Variants in PCDH11X observed in about 807,000 individuals in gnomAD.
PCDH11X encodes the protein protocadherin 11 X-linked, also known as protocadherin-11 X-linked.
A neutral mutation model predicts 53.3 loss-of-function variants in PCDH11X; 18 were observed. That is an observed-to-expected ratio of 0.34 (90% CI 0.23 to 0.50). The LOEUF is 0.50. Among genes scored for constraint, PCDH11X ranks in the 20% least tolerant of loss-of-function variants. The pLI is 0.98. For synonymous variants in PCDH11X, 279 were observed against 393.3 expected (o/e 0.71, Z 3.44); for missense variants, 570 against 1,032.4 (o/e 0.55, Z 6.14).
intron 4 of PCDH11X, among the ~76,000 whole-genome samples, chrX:91,817,904 TAAAG>T (rs2147574137): frequency 8.9e-6 from 1 of 111,824 alleles, no homozygotes; most frequent in Non-Finnish European, 1.9e-5. Flanking sequence ...ACAGGTTATA[TAAAG>T]AATTAATGTA....
At chrX:92,143,672 G>A (rs946934836) in intron 6 of PCDH11X, among the ~76,000 whole-genome samples, 1 of 112,629 alleles carries the variant, frequency 8.9e-6, no homozygotes, top group Admixed American at 9.4e-5. Flanking sequence ...GGTACTCATG[G>A]AGCACCTCTG....
intron 10 of PCDH11X, among the ~76,000 whole-genome samples, chrX:92,575,086 A>G (rs1384161492): frequency 2.7e-5 from 3 of 110,856 alleles, no homozygotes; most frequent in East Asian, 2.8e-4. Flanking sequence ...ACTTCATTCT[A>G]TTTGGTTTGC....
At chrX:92,213,146 T>C (rs2066622741) in intron 7 of PCDH11X, among the ~76,000 whole-genome samples, 1 of 112,143 alleles carries the variant, frequency 8.9e-6, no homozygotes, top group African/African-American at 3.2e-5. Flanking sequence ...CATACCCTGA[T>C]GTGATAACAT....
chrX:92,311,572 A>C (rs2068951131), intron 8 of PCDH11X, among the ~76,000 whole-genome samples: 1 of 111,834 alleles, frequency 8.9e-6, no homozygotes, highest in African/African-American at 3.2e-5. Context: ...AGAATGAAAT[A>C]TAATTAAATG....
intron 6 of PCDH11X, among the ~76,000 whole-genome samples, chrX:92,020,487 C>A (rs919281145): frequency 2.2e-4 from 24 of 111,556 alleles, no homozygotes; most frequent in Non-Finnish European, 4.1e-4. Context: ...TGGGCAGGGC[C>A]TCCCTGCAGG....
At chrX:92,038,754 A>G (rs1417553148) in intron 6 of PCDH11X, among the ~76,000 whole-genome samples, 1 of 107,028 alleles carries the variant, frequency 9.3e-6, no homozygotes, top group African/African-American at 3.4e-5. Flanking sequence ...GGTGATTGAA[A>G]TGGGGACGGG....
chrX:92,603,180 G>C (rs1293579675), intron 10 of PCDH11X, among the ~76,000 whole-genome samples: 1 of 102,461 alleles, frequency 9.8e-6, no homozygotes, highest in African/African-American at 3.7e-5. Context: ...ATAGAAGAAT[G>C]AATCAGAACA....
chrX:91,908,382 C>A (rs1441850167), intron 6 of PCDH11X, among the ~76,000 whole-genome samples: 7 of 112,146 alleles, frequency 6.2e-5, no homozygotes, highest in Admixed American at 9.5e-5. Flanking sequence ...TGAACAGACA[C>A]TTCTCAAAAG....
chrX:92,439,527 A>G (rs2072465035), intron 9 of PCDH11X, among the ~76,000 whole-genome samples: 1 of 110,394 alleles, frequency 9.1e-6, no homozygotes, highest in African/African-American at 3.3e-5. Context: ...TGAAAAATAT[A>G]TCTAGGAAAG....
At chrX:92,489,493 T>C (rs2073714565) in intron 10 of PCDH11X, among the ~76,000 whole-genome samples, 1 of 110,197 alleles carries the variant, frequency 9.1e-6, no homozygotes, top group Admixed American at 9.8e-5. Context: ...TCTCATGATA[T>C]TTCTGTATTT....
At chrX:92,470,880 T>C (rs1055957837) in intron 10 of PCDH11X, among the ~76,000 whole-genome samples, 4 of 110,032 alleles carry the variant, frequency 3.6e-5, no homozygotes, top group Non-Finnish European at 7.6e-5. Context: ...TTTGCATCAA[T>C]ATTCATCAGT....
chrX:92,226,345 AATAG>A lies in PCDH11X; in HGVS notation c.3114+24893_3114+24896del, dbSNP rs201433955. Among the ~76,000 whole-genome samples, 816 of 111,650 alleles carry A rather than the reference AATAG, an allele frequency of 7.3e-3. 8 individuals carry two copies. Among genetic ancestry groups the A allele is most frequent in the African/African-American group, 0.025 (780 of 30,769 alleles). Reference sequence around the variant, plus strand: ...GGCAAAAAGGGTATAATTTAATGTTAATAGATCGAGTAGAGAAATCTAGCAAGGC... The same window carrying A: ...GGCAAAAAGGGTATAATTTAATGTTAATCGAGTAGAGAAATCTAGCAAGGC... On this transcript the variant is annotated intron_variant, in intron 7 of 10. Coordinates refer to ENST00000682573, the MANE Select transcript of PCDH11X (RefSeq NM_032968.5).
chrX:91,852,043 C>T (rs1187099968), intron 5 of PCDH11X, among the ~76,000 whole-genome samples: 2 of 86,611 alleles, frequency 2.3e-5, no homozygotes, highest in Admixed American at 3.0e-4. Context: ...GACGGAGTTT[C>T]ACTCTTGTTG....
chrX:92,476,187 T>C (rs113002611), intron 10 of PCDH11X, among the ~76,000 whole-genome samples: 1 of 95,894 alleles, frequency 1.0e-5, no homozygotes, highest in African/African-American at 3.3e-5. Context: ...CCATGTGAGA[T>C]GTAACTTTGC....
chrX:92,095,799 T>G (rs1391303196), intron 6 of PCDH11X, among the ~76,000 whole-genome samples: 1 of 112,324 alleles, frequency 8.9e-6, no homozygotes, highest in East Asian at 2.8e-4. Context: ...GGATATTGAT[T>G]GACAAGGCAA....
intron 6 of PCDH11X, among the ~76,000 whole-genome samples, chrX:92,034,216 TA>T (rs1456648811): frequency 2.7e-5 from 3 of 111,562 alleles, no homozygotes; most frequent in African/African-American, 9.8e-5. Flanking sequence ...AAAGAATGCG[TA>T]TTATGCAGCT....
At chrX:91,800,544 A>T (rs1301791191) in intron 1 of PCDH11X, among the ~76,000 whole-genome samples, 1 of 108,749 alleles carries the variant, frequency 9.2e-6, no homozygotes, top group Admixed American at 1.0e-4. Context: ...AAAACTATGG[A>T]TATTTTTTCT....
Position 91,952,000 on chromosome X carries a change from T to A in PCDH11X, c.3033+72727T>A, listed in dbSNP as rs773698504. On this transcript the variant is annotated intron_variant, in intron 6 of 10. Transcript: ENST00000682573. ...GTGGTAATTGGTTCTTCCCTACTTT[T>A]CACAAGTGCTAATGGTCACCAGAGC... is the stretch of plus-strand genomic sequence containing the variant. Among the ~76,000 whole-genome samples, 301 of 109,811 alleles carry A rather than the reference T, an allele frequency of 2.7e-3. 1 individual carries two copies. The highest frequency in any genetic ancestry group is 9.4e-3 in the African/African-American group (284 of 30,279).
intron 6 of PCDH11X, among the ~76,000 whole-genome samples, chrX:91,919,981 G>A (rs1708883576): frequency 9.0e-6 from 1 of 111,376 alleles, no homozygotes; most frequent in African/African-American, 3.3e-5. Context: ...CAACAAACCT[G>A]ATGGACAGTT....
Sources: allele counts gnomAD v4.1 joint callset (sites outside exome capture counted in the v4.1 genomes callset), GRCh38; gene constraint gnomAD v4.1.1; transcripts MANE v1.5; gene names NCBI Gene and HGNC (gene_info 2026-07-23, HGNC 2026-07-21).